The following CDH18 variants were observed in gnomAD, a reference collection of about 807,000 sequenced individuals.
The protein encoded by CDH18 is cadherin-18.
CDH18 carries 31 observed loss-of-function variants against 67.9 expected under a neutral mutation model. That is an observed-to-expected ratio of 0.46 (90% CI 0.34 to 0.62). The LOEUF is 0.62. CDH18 is among the 20% of genes least tolerant of loss of function. The probability of loss-of-function intolerance (pLI) is 0.01; values close to 1 mark genes in which losing one functional copy is unlikely to be tolerated. For synonymous variants in CDH18, 362 were observed against 347.2 expected, an observed-to-expected ratio of 1.04 and a Z score of -0.48; for missense variants, 890 against 975.5, an observed-to-expected ratio of 0.91 and a Z score of 1.17.
intron 2 of CDH18, among the ~76,000 whole-genome samples, chr5:19,979,148 T>C (rs1021794406): frequency 6.6e-6 from 1 of 151,984 alleles, no homozygotes; most frequent in East Asian, 1.9e-4. Context: ...ATCAAGCTGA[T>C]TATAGTCTCT....
At chr5:20,333,684 T>C (rs1055255323) in intron 1 of CDH18, among the ~76,000 whole-genome samples, 4 of 152,046 alleles carry the variant, frequency 2.6e-5, no homozygotes, top group African/African-American at 9.7e-5. Flanking sequence ...TGCTTAAATA[T>C]TTTAAGAATT....
intron 1 of CDH18, among the ~76,000 whole-genome samples, chr5:20,259,066 G>A (rs780862141): frequency 1.3e-5 from 2 of 152,204 alleles, no homozygotes; most frequent in East Asian, 1.9e-4. Flanking sequence ...TGCAACAAAC[G>A]CCTAAAAATA....
chr5:19,573,773 C>CT (rs1187580685), intron 7 of CDH18, among the ~76,000 whole-genome samples: 2 of 152,174 alleles, frequency 1.3e-5, no homozygotes, highest in African/African-American at 4.8e-5. Flanking sequence ...AATGGTCCCT[C>CT]TTGGCTTATA....
At chr5:19,818,775 A>G (rs1471912994) in intron 3 of CDH18, among the ~76,000 whole-genome samples, 1 of 152,242 alleles carries the variant, frequency 6.6e-6, no homozygotes, top group Non-Finnish European at 1.5e-5. Context: ...ACAGTACAAT[A>G]TAATATGCAC....
intron 2 of CDH18, among the ~76,000 whole-genome samples, chr5:19,840,452 A>T (rs1203575423): frequency 6.6e-6 from 1 of 152,062 alleles, no homozygotes; most frequent in Non-Finnish European, 1.5e-5. Flanking sequence ...ACTGTAATCC[A>T]AGCATTTTGG....
chr5:19,953,218 A>AC (rs1795965855), intron 2 of CDH18, among the ~76,000 whole-genome samples: 1 of 152,132 alleles, frequency 6.6e-6, no homozygotes, highest in Non-Finnish European at 1.5e-5. Flanking sequence ...ACAAATATTT[A>AC]TAAATTATTT....
intron 1 of CDH18, among the ~76,000 whole-genome samples, chr5:20,311,519 G>A (rs115210803): frequency 2.6e-3 from 403 of 152,176 alleles, no homozygotes; most frequent in African/African-American, 8.8e-3. Context: ...GGTGGAAACC[G>A]TCCTTCTCAG....
At chr5:20,058,411 A>G (rs1485927524) in intron 2 of CDH18, among the ~76,000 whole-genome samples, 1 of 152,146 alleles carries the variant, frequency 6.6e-6, no homozygotes, top group African/African-American at 2.4e-5. Flanking sequence ...CAATGAAAAA[A>G]AAGTCCTTAC....
chr5:20,176,888 T>C (rs1238968266), intron 2 of CDH18, among the ~76,000 whole-genome samples: 1 of 152,124 alleles, frequency 6.6e-6, no homozygotes, highest in Non-Finnish European at 1.5e-5. Context: ...GAGGTGCTTG[T>C]AAGTTAATTT....
chr5:19,770,977 C>G (rs1291668341), intron 3 of CDH18, among the ~76,000 whole-genome samples: 1 of 152,064 alleles, frequency 6.6e-6, no homozygotes, highest in Non-Finnish European at 1.5e-5. Flanking sequence ...GCAATTAGTC[C>G]AGTTAAAAAT....
intron 1 of CDH18, among the ~76,000 whole-genome samples, chr5:20,447,355 C>T (rs1750079998): frequency 6.6e-6 from 1 of 151,518 alleles, no homozygotes; most frequent in Non-Finnish European, 1.5e-5. Flanking sequence ...ACTTCTCCCT[C>T]ATGAATGGGA....
intron 4 of CDH18, 64 bp from the exon 5 acceptor site, chr5:19,721,530 C>T: frequency 6.7e-7 from 1 of 1,500,782 alleles, no homozygotes; most frequent in Non-Finnish European, 9.1e-7. Context: ...AATTTGAACA[C>T]AGAAAATGGG....
chr5:19,993,558 T>C (rs1325831776), intron 2 of CDH18, among the ~76,000 whole-genome samples: 1 of 152,052 alleles, frequency 6.6e-6, no homozygotes, highest in African/African-American at 2.4e-5. Flanking sequence ...TCCTCTATTT[T>C]CCTCACCACT....
intron 3 of CDH18, among the ~76,000 whole-genome samples, chr5:19,774,899 A>G (rs1328601547): frequency 6.7e-6 from 1 of 150,140 alleles, no homozygotes; most frequent in African/African-American, 2.4e-5. Context: ...GCAGTCTACA[A>G]TTCAGAAAAG....
At chr5:19,820,526 AC>A (rs1779763209) in intron 3 of CDH18, among the ~76,000 whole-genome samples, 3 of 152,048 alleles carry the variant, frequency 2.0e-5, no homozygotes, top group Admixed American at 6.6e-5. Context: ...ATACCCCACA[AC>A]CCACTTTGAC....
chr5:20,027,182 A>G (rs1343525356), intron 2 of CDH18, among the ~76,000 whole-genome samples: 4 of 152,012 alleles, frequency 2.6e-5, no homozygotes, highest in Non-Finnish European at 5.9e-5. Context: ...TTTATGTATG[A>G]TTAAACTTTT....
intron 8 of CDH18, among the ~76,000 whole-genome samples, chr5:19,567,376 C>A (rs1740605876): frequency 6.6e-6 from 1 of 152,016 alleles, no homozygotes; most frequent in Non-Finnish European, 1.5e-5. Context: ...TAGTAAAATA[C>A]AAAAGACCGA....
chr5:20,276,595 C>T (rs1387694248), intron 1 of CDH18, among the ~76,000 whole-genome samples: 1 of 152,136 alleles, frequency 6.6e-6, no homozygotes, highest in East Asian at 1.9e-4. Context: ...TCAGCACATT[C>T]CTAGCAGTGG....
At chr5:20,213,164 G>A (rs540160213) in intron 2 of CDH18, among the ~76,000 whole-genome samples, 51 of 152,140 alleles carry the variant, frequency 3.4e-4, no homozygotes, top group African/African-American at 1.0e-3. Flanking sequence ...GGGTTATTAC[G>A]TAACTTACTT....
Sources: gnomAD v4.1 joint callset for allele counts (sites outside exome capture counted in the v4.1 genomes callset) on GRCh38, gnomAD v4.1.1 for gene constraint, MANE v1.5 for transcripts, NCBI Gene and HGNC (gene_info 2026-07-23, HGNC 2026-07-21) for gene names.